Variants in VOPP1 observed in about 807,000 individuals in gnomAD.
VOPP1 encodes the protein VOPP1 WW domain binding protein.
VOPP1 carries 8 observed loss-of-function variants against 23.5 expected under a neutral mutation model. The observed-to-expected ratio is 0.34, with a 90% CI of 0.20 to 0.61. The LOEUF (loss-of-function observed/expected upper bound fraction) is 0.61, where lower values mean the gene tolerates loss of function less well. Ranked by LOEUF, VOPP1 falls within the 20% of genes least tolerant of loss-of-function variation. VOPP1 has a pLI of 0.78. For missense variants in VOPP1, 174 were observed against 238.1 expected, an observed-to-expected ratio of 0.73 and a Z score of 1.77; for synonymous variants, 83 against 97.3, an observed-to-expected ratio of 0.85 and a Z score of 0.86.
chr7:55,461,701 C>T (rs1425440405), intron 4 of VOPP1, among the ~76,000 whole-genome samples: 1 of 152,230 alleles, frequency 6.6e-6, no homozygotes, highest in African/African-American at 2.4e-5. Flanking sequence ...CAGACGTGAG[C>T]CACTGCGCCC....
chr7:55,490,022 G>A (rs924113487), intron 4 of VOPP1, among the ~76,000 whole-genome samples: 6 of 152,086 alleles, frequency 3.9e-5, no homozygotes, highest in African/African-American at 1.4e-4. Context: ...CAGGACTAGA[G>A]AGAGGAGGTC....
chr7:55,459,819 AC>A (rs1477977532), intron 4 of VOPP1, among the ~76,000 whole-genome samples: 4 of 150,860 alleles, frequency 2.7e-5, no homozygotes, highest in African/African-American at 9.8e-5. Flanking sequence ...TAAAACACGC[AC>A]TTTTTGTCTC....
At chr7:55,550,589 G>A (rs1797562758) in intron 1 of VOPP1, among the ~76,000 whole-genome samples, 1 of 152,076 alleles carries the variant, frequency 6.6e-6, no homozygotes, top group African/African-American at 2.4e-5. Context: ...GTTCATTTCA[G>A]CATTCTTACA....
At chr7:55,563,686 G>A (rs1160688698) in intron 1 of VOPP1, among the ~76,000 whole-genome samples, 1 of 152,124 alleles carries the variant, frequency 6.6e-6, no homozygotes. Flanking sequence ...TAATAATTGT[G>A]TGCACAAAAC....
chr7:55,480,282 A>C (rs1426122710), intron 4 of VOPP1, among the ~76,000 whole-genome samples: 1 of 152,194 alleles, frequency 6.6e-6, no homozygotes, highest in Non-Finnish European at 1.5e-5. Flanking sequence ...TTGCTTTTTG[A>C]GTTATTGAAA....
chr7:55,540,115 C>G (rs1223443854), intron 1 of VOPP1, among the ~76,000 whole-genome samples: 1 of 152,004 alleles, frequency 6.6e-6, no homozygotes, highest in African/African-American at 2.4e-5. Context: ...TAAATGAACT[C>G]CCAGCCAGGC....
At chr7:55,568,374 C>T (rs749396218) in intron 1 of VOPP1, among the ~76,000 whole-genome samples, 7 of 152,242 alleles carry the variant, frequency 4.6e-5, no homozygotes, top group Middle Eastern at 3.2e-3. Flanking sequence ...CGCACCCAGC[C>T]TGACAACTGT....
intron 2 of VOPP1, among the ~76,000 whole-genome samples, chr7:55,519,674 G>A (rs968030196): frequency 2.6e-5 from 4 of 152,192 alleles, no homozygotes; most frequent in African/African-American, 9.7e-5. Flanking sequence ...CTGTCTTTCT[G>A]CAGCTGCAGA....
intron 1 of VOPP1, chr7:55,521,580 C>T (rs964954042): frequency 1.1e-5 from 11 of 988,092 alleles, no homozygotes; most frequent in East Asian, 1.1e-4. Flanking sequence ...TTCCGACCTA[C>T]GTCTGCAAGA....
chr7:55,518,829 A>C (rs1025683943), intron 2 of VOPP1, among the ~76,000 whole-genome samples: 1 of 152,236 alleles, frequency 6.6e-6, no homozygotes, highest in African/African-American at 2.4e-5. Context: ...GATGGTTTTA[A>C]GCAAAAAAGT....
chr7:55,554,888 G>A (rs1012674832), intron 1 of VOPP1, among the ~76,000 whole-genome samples: 1 of 152,200 alleles, frequency 6.6e-6, no homozygotes, highest in African/African-American at 2.4e-5. Context: ...AGAATGAGGA[G>A]AGGAGGAAGA....
At chr7:55,524,414 T>C (rs1238796065) in intron 1 of VOPP1, among the ~76,000 whole-genome samples, 1 of 152,192 alleles carries the variant, frequency 6.6e-6, no homozygotes, top group Non-Finnish European at 1.5e-5. Context: ...CTGAAATTAG[T>C]GTGTTTGAAA....
intron 1 of VOPP1, among the ~76,000 whole-genome samples, chr7:55,563,767 T>A (rs765245341): frequency 6.6e-6 from 1 of 152,200 alleles, no homozygotes; most frequent in African/African-American, 2.4e-5. Context: ...ACACTGGCAC[T>A]CAAAAAGTTT....
At chr7:55,563,284 A>C (rs1798049231) in intron 1 of VOPP1, among the ~76,000 whole-genome samples, 1 of 148,974 alleles carries the variant, frequency 6.7e-6, no homozygotes, top group Non-Finnish European at 1.5e-5. Flanking sequence ...AATTCAAAAA[A>C]GGAATGCTAT....
At chr7:55,547,884 A>G (rs942401041) in intron 1 of VOPP1, among the ~76,000 whole-genome samples, 2 of 152,156 alleles carry the variant, frequency 1.3e-5, no homozygotes, top group African/African-American at 4.8e-5. Flanking sequence ...CTGAGCCTGC[A>G]GGCATGTGCA....
At position 55,572,248 on chromosome 7, in the gene VOPP1, AGCAC is replaced by A; in HGVS notation, c.54+19_54+22del. On this transcript the variant is annotated intron_variant, in intron 1 of 4. Coordinates refer to ENST00000285279, the MANE Select transcript of VOPP1 (RefSeq NM_030796.5). ...GCATGGTGGGCGCCGCGCCTCCGGC[AGCAC>A]CCGGTCCCCGGCCCCTACCTCCAAG... The A allele has an allele frequency of 6.6e-7, 1 of 1,513,752 alleles. No individual in the cohort carries two copies. 93.8% of individuals were successfully genotyped at this position (1,513,752 alleles called of 1,614,324 possible). A position where few individuals can be genotyped will look rare whatever the true frequency, so the allele number is the denominator to read the frequency against.
chr7:55,438,841 C>T (rs773284181), intron 4 of VOPP1, among the ~76,000 whole-genome samples: 76 of 152,274 alleles, frequency 5.0e-4, no homozygotes, highest in African/African-American at 1.7e-3. Flanking sequence ...GCTGTGGCTA[C>T]GCAGGTGCAG....
intron 2 of VOPP1, among the ~76,000 whole-genome samples, chr7:55,506,268 C>T (rs1794715814): frequency 6.6e-6 from 1 of 152,198 alleles, no homozygotes; most frequent in Non-Finnish European, 1.5e-5. Context: ...GCTCACTTCC[C>T]TTTCAGATGA....
chr7:55,479,152 T>G (rs576893795), intron 4 of VOPP1, among the ~76,000 whole-genome samples: 1 of 54,958 alleles, frequency 1.8e-5, no homozygotes, highest in Non-Finnish European at 5.2e-5. Flanking sequence ...AACATTTTCT[T>G]TTTTTTTTTT....
Sources: allele counts gnomAD v4.1 joint callset (sites outside exome capture counted in the v4.1 genomes callset), GRCh38; gene constraint gnomAD v4.1.1; transcripts MANE v1.5; gene names NCBI Gene and HGNC (gene_info 2026-07-23, HGNC 2026-07-21).